The following PRKCH variants were observed in gnomAD, a reference collection of about 807,000 sequenced individuals.
PRKCH encodes protein kinase C eta type.
A neutral mutation model predicts 82.5 loss-of-function variants in PRKCH; 28 were observed. The ratio of observed to expected loss-of-function variants is 0.34; its 90% confidence interval spans 0.25 to 0.47. PRKCH has a LOEUF of 0.47. Ranked by LOEUF, PRKCH falls within the 20% of genes least tolerant of loss-of-function variation. PRKCH has a pLI of 1.00. For synonymous variants in PRKCH, 322 were observed against 327.4 expected, an observed-to-expected ratio of 0.98 and a Z score of 0.18; for missense variants, 705 against 881.8, an observed-to-expected ratio of 0.80 and a Z score of 2.54.
chr14:61,391,436 G>A (rs543686858), intron 2 of PRKCH, 148 bp downstream of exon 2: 312 of 668,746 alleles, frequency 4.7e-4, no homozygotes, highest in Non-Finnish European at 6.6e-4. Context: ...CTAGTATTTT[G>A]TTGCCCAGTG....
chr14:61,222,856 A>T (rs2044665698), intron 1 of PRKCH, among the ~76,000 whole-genome samples: 1 of 152,214 alleles, frequency 6.6e-6, no homozygotes, highest in Non-Finnish European at 1.5e-5. Flanking sequence ...AACCTCAAAG[A>T]TTCGTCTAAT....
At chr14:61,330,683 G>A (rs7149180) in intron 1 of PRKCH, among the ~76,000 whole-genome samples, 29,496 of 152,114 alleles carry the variant, frequency 0.19, 3,249 homozygotes, top group African/African-American at 0.31. Flanking sequence ...ATTTAGTGCT[G>A]TGGTGCTCCA....
intron 1 of PRKCH, among the ~76,000 whole-genome samples, chr14:61,387,194 T>C (rs1336466514): frequency 1.3e-5 from 2 of 152,232 alleles, no homozygotes; most frequent in African/African-American, 4.8e-5. Flanking sequence ...TGCTCAAACC[T>C]GAACCAGTAG....
intron 1 of PRKCH, among the ~76,000 whole-genome samples, chr14:61,352,730 G>GAAAGA: frequency 6.6e-6 from 1 of 150,692 alleles, no homozygotes; most frequent in Non-Finnish European, 1.5e-5. Flanking sequence ...AAGAAAGAAA[G>GAAAGA]AAAGAAAGAA....
chr14:61,502,073 TTTTTTTTTTC>T (rs1886940187), intron 10 of PRKCH, among the ~76,000 whole-genome samples: 4 of 141,106 alleles, frequency 2.8e-5, no homozygotes, highest in South Asian at 4.7e-4. Flanking sequence ...TTCTTTTTTT[TTTTTTTTTTC>T]CGAGATGGAG....
At chr14:61,265,640 G>A (rs1566799583) in intron 1 of PRKCH, among the ~76,000 whole-genome samples, 1 of 152,196 alleles carries the variant, frequency 6.6e-6, no homozygotes. Flanking sequence ...GCCACTAAGA[G>A]CACCTTTCAT....
At chr14:61,226,401 C>CTACCCT (rs1341313421) in intron 1 of PRKCH, among the ~76,000 whole-genome samples, 1 of 152,220 alleles carries the variant, frequency 6.6e-6, no homozygotes, top group Non-Finnish European at 1.5e-5. Context: ...CTAACACAAA[C>CTACCCT]TACCCTGGCC....
intron 1 of PRKCH, chr14:61,298,782 C>T (rs1030398471): frequency 6.6e-6 from 1 of 151,858 alleles, no homozygotes; most frequent in Non-Finnish European, 1.5e-5. Context: ...GCGGTGAATC[C>T]CTCTGGGTCT....
chr14:61,414,791 C>T (rs982347449), intron 2 of PRKCH, among the ~76,000 whole-genome samples: 1 of 152,060 alleles, frequency 6.6e-6, no homozygotes, highest in Non-Finnish European at 1.5e-5. Context: ...TTTAATCTTT[C>T]AGTTAGCAAA....
chr14:61,446,354 G>A (rs1318571038), intron 4 of PRKCH, among the ~76,000 whole-genome samples: 1 of 152,246 alleles, frequency 6.6e-6, no homozygotes, highest in Non-Finnish European at 1.5e-5. Context: ...AGGTGGTTTA[G>A]CCAGGCCCAT....
intron 1 of PRKCH, among the ~76,000 whole-genome samples, chr14:61,240,647 C>T (rs575698773): frequency 3.3e-5 from 5 of 151,994 alleles, no homozygotes; most frequent in South Asian, 2.1e-4. Flanking sequence ...AAAGTTCCAC[C>T]GAGAACCTTC....
At chr14:61,483,981 C>T (rs1886095352) in intron 9 of PRKCH, among the ~76,000 whole-genome samples, 1 of 152,218 alleles carries the variant, frequency 6.6e-6, no homozygotes, top group African/African-American at 2.4e-5. Flanking sequence ...GTCAAGGCTG[C>T]AGTGAGCCAA....
At chr14:61,437,886 C>A (rs147400459) in intron 2 of PRKCH, among the ~76,000 whole-genome samples, 1 of 151,752 alleles carries the variant, frequency 6.6e-6, no homozygotes, top group Non-Finnish European at 1.5e-5. Flanking sequence ...CACTTGAGCC[C>A]GTGAGTTTGA....
At chr14:61,449,732 A>G (rs1163579750) in intron 5 of PRKCH, among the ~76,000 whole-genome samples, 1 of 152,176 alleles carries the variant, frequency 6.6e-6, no homozygotes, top group Admixed American at 6.5e-5. Context: ...TTTCCCTCAC[A>G]CAGTTTTTGT....
chr14:61,442,993 C>A (rs1884049219), intron 2 of PRKCH, 118 bp from the exon 3 acceptor site: 1 of 1,039,262 alleles, frequency 9.6e-7, no homozygotes, highest in Non-Finnish European at 1.4e-6. Context: ...TGGTTTAGAT[C>A]TTGAAGAAAG....
intron 1 of PRKCH, among the ~76,000 whole-genome samples, chr14:61,291,657 T>C (rs1351115330): frequency 6.6e-6 from 1 of 152,108 alleles, no homozygotes; most frequent in Non-Finnish European, 1.5e-5. Context: ...AATGAAACCA[T>C]AGCATTGATG....
intron 2 of PRKCH, among the ~76,000 whole-genome samples, chr14:61,441,473 C>G (rs1883969801): frequency 6.6e-6 from 1 of 152,158 alleles, no homozygotes; most frequent in Non-Finnish European, 1.5e-5. Context: ...TATTTGCCAG[C>G]TTAAGAGGTA....
intron 12 of PRKCH, among the ~76,000 whole-genome samples, chr14:61,539,466 T>C (rs1170549344): frequency 1.3e-5 from 2 of 152,190 alleles, no homozygotes; most frequent in Admixed American, 1.3e-4. Context: ...GTAGTGTGTC[T>C]CTGGAGATAT....
chr14:61,280,775 C>T lies in PRKCH; in HGVS notation c.-19+93107C>T, dbSNP rs756372774. 2.6e-6 allele frequency: 4 copies of T among 1,555,324 alleles called. No homozygotes were observed. Among genetic ancestry groups the T allele is most frequent in the South Asian group, 2.4e-5 (2 of 82,954 alleles). On this transcript the variant is annotated intron_variant, in intron 1 of 3. Transcript: ENST00000555185. This position sits in a 1 kb window ranked among gnomAD's most constrained non-coding sequence, Gnocchi z 5.0. The stretch of plus-strand genomic sequence containing the variant: ...AGCTGCGCGTCGTCGCGGGACACGC[C>T]GTAGCGCCGGTTGTTCTGGTAGAAG...
Sources: gnomAD v4.1 joint callset for allele counts (sites outside exome capture counted in the v4.1 genomes callset) on GRCh38, gnomAD v4.1.1 for gene constraint, Gnocchi (gnomAD v3.1) non-coding constraint, MANE v1.5 for transcripts, NCBI Gene and HGNC (gene_info 2026-07-23, HGNC 2026-07-21) for gene names.